UROC1: variants seen among roughly 807,000 people sequenced by gnomAD.
UROC1 encodes the protein urocanate hydratase 1, also known as urocanate hydratase.
Under a neutral mutation model 89.5 loss-of-function variants are expected in UROC1, and 79 were observed. The ratio of observed to expected loss-of-function variants is 0.88; its 90% CI spans 0.74 to 1.06. The LOEUF (loss-of-function observed/expected upper bound fraction) is 1.06, where lower values mean the gene tolerates loss of function less well. Ranked by LOEUF, UROC1 falls within the 50% of genes least tolerant of loss-of-function variation. The probability of loss-of-function intolerance (pLI) is 0.00; values close to 1 mark genes in which losing one functional copy is unlikely to be tolerated. For missense variants in UROC1, 885 were observed against 907.8 expected, an observed-to-expected ratio of 0.97 and a Z score of 0.32; for synonymous variants, 361 against 354.8, an observed-to-expected ratio of 1.02 and a Z score of -0.20.
At chr3:126,501,311 C>T (rs1229711549) in intron 9 of UROC1, 31 bp from the exon 10 acceptor site, 1 of 1,613,116 alleles carries the variant, frequency 6.2e-7, no homozygotes, top group South Asian at 1.1e-5. Flanking sequence ...AACAGGTGCC[C>T]CCTGCACCTG....
chr3:126,499,034 T>C (rs1373155095), intron 13 of UROC1, among the ~76,000 whole-genome samples: 1 of 151,924 alleles, frequency 6.6e-6, no homozygotes, highest in African/African-American at 2.4e-5. Context: ...TGTGAAGACA[T>C]ATTATTCAGG....
intron 10 of UROC1, 144 bp from the exon 11 acceptor site, chr3:126,501,018 A>G: frequency 1.5e-6 from 2 of 1,354,260 alleles, no homozygotes; most frequent in Non-Finnish European, 2.1e-6. Flanking sequence ...TTCCCCCTGG[A>G]AAGAGAACCT....
chr3:126,487,330 C>T (rs1009034976), intron 18 of UROC1, among the ~76,000 whole-genome samples: 1 of 152,252 alleles, frequency 6.6e-6, no homozygotes, highest in African/African-American at 2.4e-5. Flanking sequence ...GCCAGGTACC[C>T]AATAGCCAGG....
chr3:126,502,938 T>C (rs534773578), intron 9 of UROC1, among the ~76,000 whole-genome samples: 37 of 137,642 alleles, frequency 2.7e-4, no homozygotes, highest in African/African-American at 9.7e-4. Flanking sequence ...GTGTTGTGTG[T>C]TTATGTGTGT....
intron 16 of UROC1, among the ~76,000 whole-genome samples, chr3:126,490,312 C>T (rs543812957): frequency 2.0e-5 from 3 of 152,198 alleles, no homozygotes; most frequent in Non-Finnish European, 4.4e-5. Flanking sequence ...GGATGTGGTA[C>T]AGCCCTGGAA....
intron 2 of UROC1, among the ~76,000 whole-genome samples, chr3:126,510,044 G>A (rs1030106931): frequency 5.3e-5 from 8 of 152,334 alleles, no homozygotes; most frequent in East Asian, 1.9e-4. Flanking sequence ...TGCCAGGCCC[G>A]GAGGTACTGG....
intron 9 of UROC1, among the ~76,000 whole-genome samples, chr3:126,502,753 TG>T (rs1935963466): frequency 9.5e-6 from 1 of 105,008 alleles, no homozygotes; most frequent in African/African-American, 3.3e-5. Flanking sequence ...TGCATGTGTA[TG>T]TTGTGTGTGT....
intron 18 of UROC1, among the ~76,000 whole-genome samples, chr3:126,485,457 A>G (rs1214032030): frequency 6.6e-6 from 1 of 152,092 alleles, no homozygotes; most frequent in Non-Finnish European, 1.5e-5. Flanking sequence ...GGCTGTGTGC[A>G]CAGACAGGGC....
intron 1 of UROC1, among the ~76,000 whole-genome samples, chr3:126,515,198 A>G (rs1936273685): frequency 6.6e-6 from 1 of 152,034 alleles, no homozygotes. Context: ...GCCGCAGGGG[A>G]TGTGCAGGCC....
intron 13 of UROC1, among the ~76,000 whole-genome samples, chr3:126,499,122 G>A (rs368413080): frequency 2.4e-4 from 37 of 151,916 alleles, no homozygotes; most frequent in Middle Eastern, 3.4e-3. Context: ...TGCAGGAGGC[G>A]TCTCTCGTCT....
chr3:126,489,876 T>A (rs764715566), intron 16 of UROC1, among the ~76,000 whole-genome samples: 7 of 152,166 alleles, frequency 4.6e-5, no homozygotes, highest in Non-Finnish European at 7.4e-5. Context: ...TCGAGGAGAG[T>A]ACTAAACAAG....
chr3:126,509,735 C>T, intron 2 of UROC1, 57 bp from the exon 3 acceptor site: 1 of 1,483,270 alleles, frequency 6.7e-7, no homozygotes, highest in Non-Finnish European at 9.2e-7. Context: ...CAGCATCTAG[C>T]CTGGCCCCGC....
intron 9 of UROC1, among the ~76,000 whole-genome samples, chr3:126,502,739 T>C (rs1175820730): frequency 1.5e-5 from 2 of 129,596 alleles, no homozygotes; most frequent in Non-Finnish European, 3.4e-5. Flanking sequence ...TCTGTTTATG[T>C]GCATGCATGT....
At chr3:126,499,927 G>A (rs1935875285) in intron 12 of UROC1, 130 bp downstream of exon 12, 7 of 890,414 alleles carry the variant, frequency 7.9e-6, no homozygotes, top group South Asian at 4.3e-5. Context: ...GAGGCACAGT[G>A]AAGCCTCGGT....
intron 16 of UROC1, among the ~76,000 whole-genome samples, chr3:126,490,954 C>T (rs17691411): frequency 0.06 from 9,150 of 152,248 alleles, 363 homozygotes; most frequent in Non-Finnish European, 0.086. Flanking sequence ...GGTTGATGGG[C>T]GTGATCTTCC....
At chr3:126,510,867 C>A (rs1936180553) in intron 1 of UROC1, 73 bp from the exon 2 acceptor site, 1 of 1,568,766 alleles carries the variant, frequency 6.4e-7, no homozygotes, top group Admixed American at 1.8e-5. Context: ...CGCGATGGGC[C>A]ATCCTCCTCC....
At chr3:126,488,451 T>TGGAG (rs1056356095) in intron 17 of UROC1, among the ~76,000 whole-genome samples, 172 bp from the exon 18 acceptor site, 6 of 152,228 alleles carry the variant, frequency 3.9e-5, no homozygotes, top group African/African-American at 1.4e-4. Flanking sequence ...CTGGCAGAGC[T>TGGAG]GGAGCTAGAG....
At chr3:126,499,534 A>G (rs1935865544) in intron 12 of UROC1, 125 bp from the exon 13 acceptor site, 1 of 983,024 alleles carries the variant, frequency 1.0e-6, no homozygotes, top group Non-Finnish European at 1.6e-6. Context: ...TTCATGTAAA[A>G]GAAGAGAAAA....
intron 15 of UROC1, among the ~76,000 whole-genome samples, chr3:126,493,273 C>G (rs1349797295): frequency 1.3e-5 from 2 of 152,152 alleles, no homozygotes; most frequent in Non-Finnish European, 2.9e-5. Context: ...TCTACAACGG[C>G]CCCCGTGATG....
Sources: allele counts gnomAD v4.1 joint callset (sites outside exome capture counted in the v4.1 genomes callset), GRCh38; gene constraint gnomAD v4.1.1; transcripts MANE v1.5; gene names NCBI Gene and HGNC (gene_info 2026-07-23, HGNC 2026-07-21).